The following CACNA1H variants were observed in gnomAD, a reference collection of about 807,000 sequenced individuals.
CACNA1H encodes calcium voltage-gated channel subunit alpha1 H, also known as voltage-dependent T-type calcium channel subunit alpha-1H.
CACNA1H carries 149 observed loss-of-function variants against 192.5 expected under a neutral mutation model. That is an observed-to-expected ratio of 0.77 (90% CI 0.68 to 0.89). The LOEUF (loss-of-function observed/expected upper bound fraction) is 0.89. CACNA1H is among the 40% of genes least tolerant of loss of function. The pLI, the probability that CACNA1H is intolerant of heterozygous loss-of-function variation, is 0.00. For synonymous variants in CACNA1H, 2,202 were observed against 1,475.2 expected (o/e 1.49, Z -11.29); for missense variants, 4,257 against 3,423.5 (o/e 1.24, Z -6.08).
intron 2 of CACNA1H, among the ~76,000 whole-genome samples, chr16:1,154,484 G>A (rs1247349876): frequency 2.0e-5 from 3 of 152,164 alleles, no homozygotes; most frequent in African/African-American, 7.2e-5. Context: ...AGTCAGGGGC[G>A]CAAAGTTTTC....
Position 1,161,333 on chromosome 16 carries a change from C to G in CACNA1H, c.299+7297C>G, listed in dbSNP as rs574739333. 1.9e-4 allele frequency among the ~76,000 whole-genome samples: 29 copies of G among 152,288 alleles called. 1 individual carries two copies. The highest frequency in any genetic ancestry group is 1.6e-3 in the Admixed American group (25 of 15,306). On this transcript the variant is annotated intron_variant, in intron 2 of 34. Coordinates refer to ENST00000348261, the MANE Select transcript of CACNA1H (RefSeq NM_021098.3). ...GGGGCAAGCCCTCGCCTCTGTTGAC[C>G]GCCAGGCCGCCCTGTGTTCTCACCC...
intron 2 of CACNA1H, among the ~76,000 whole-genome samples, chr16:1,184,078 G>A (rs1253189036): frequency 1.3e-5 from 2 of 152,226 alleles, no homozygotes; most frequent in African/African-American, 4.8e-5. Context: ...GAGCTGGTAG[G>A]GGAGATGGGA....
chr16:1,196,434 C>T (rs1441052676), intron 5 of CACNA1H, among the ~76,000 whole-genome samples: 2 of 152,298 alleles, frequency 1.3e-5, no homozygotes, highest in East Asian at 3.9e-4. Context: ...CACCTGGGGG[C>T]TCTGTGAAGC....
At chr16:1,210,545 T>A (rs1221362917) in intron 19 of CACNA1H, 38 bp from the exon 20 acceptor site, 1 of 1,608,506 alleles carries the variant, frequency 6.2e-7, no homozygotes, top group South Asian at 1.1e-5. Context: ...CAGGGAGGGG[T>A]GGAGTGGACA....
chr16:1,221,572 G>C lies in CACNA1H; in HGVS notation c.*578G>C. On this transcript the variant is annotated 3_prime_UTR_variant, in exon 35 of 35. Coordinates refer to ENST00000348261, the MANE Select transcript of CACNA1H (RefSeq NM_021098.3). ...ACCTCACTAAGGGGCCGACCCCATG[G>C]AGTAACGCGCCCGGCCCCGATGCGA... 1.8e-6 allele frequency: 1 copy of C among 563,288 alleles called. No homozygotes were observed. The highest frequency in any genetic ancestry group is 2.2e-5 in the South Asian group (1 of 45,420). The allele number at this position is 563,288 out of a possible 1,614,324, so 34.9% of individuals were successfully genotyped here. A position where few individuals can be genotyped will look rare whatever the true frequency, so the allele number is the denominator to read the frequency against.
intron 2 of CACNA1H, among the ~76,000 whole-genome samples, chr16:1,162,577 T>C (rs1596299377): frequency 6.6e-6 from 1 of 151,192 alleles, no homozygotes; most frequent in Non-Finnish European, 1.5e-5. Flanking sequence ...GGTGCTGCAG[T>C]TGTGTCTCTG....
At chr16:1,158,865 C>T (rs1251227260) in intron 2 of CACNA1H, among the ~76,000 whole-genome samples, 1 of 148,418 alleles carries the variant, frequency 6.7e-6, no homozygotes, top group East Asian at 1.9e-4. Context: ...TCAGCCCGCA[C>T]CCCTGGCCCC....
chr16:1,210,210 T>G, intron 18 of CACNA1H, 75 bp downstream of exon 18: 2 of 1,320,082 alleles, frequency 1.5e-6, no homozygotes, highest in Non-Finnish European at 2.1e-6. Context: ...CCCTCCTGGG[T>G]GGGGCTAGCA....
chr16:1,199,952 C>T (rs1287254978), intron 6 of CACNA1H, among the ~76,000 whole-genome samples: 4 of 151,174 alleles, frequency 2.6e-5, no homozygotes, highest in Admixed American at 1.3e-4. Flanking sequence ...TTGTTGATTT[C>T]TCTGTCCATC....
chr16:1,169,596 C>T (rs765386077), intron 2 of CACNA1H, among the ~76,000 whole-genome samples: 4 of 152,242 alleles, frequency 2.6e-5, no homozygotes, highest in Admixed American at 6.5e-5. Flanking sequence ...GCCGTGCTTT[C>T]GCCTCCGCCC....
At chr16:1,185,361 G>A (rs1422706054) in intron 2 of CACNA1H, among the ~76,000 whole-genome samples, 1 of 152,060 alleles carries the variant, frequency 6.6e-6, no homozygotes, top group African/African-American at 2.4e-5. Context: ...CCCTGGTGTA[G>A]GCAGGATTGG....
intron 26 of CACNA1H, among the ~76,000 whole-genome samples, chr16:1,213,121 C>T (rs1332544415): frequency 6.6e-6 from 1 of 152,222 alleles, no homozygotes; most frequent in Non-Finnish European, 1.5e-5. Context: ...ATGGCGGGCG[C>T]CGACTTCAGA....
intron 8 of CACNA1H, among the ~76,000 whole-genome samples, chr16:1,201,233 C>G (rs971221295): frequency 6.6e-6 from 1 of 152,132 alleles, no homozygotes; most frequent in Non-Finnish European, 1.5e-5. Flanking sequence ...TAGTAGGTAA[C>G]AGAAGCAGAC....
intron 2 of CACNA1H, among the ~76,000 whole-genome samples, chr16:1,154,237 G>GCGCCTCCGGA (rs1169730438): frequency 2.0e-5 from 3 of 152,010 alleles, no homozygotes; most frequent in Admixed American, 6.5e-5. Context: ...GGGCCACCGG[G>GCGCCTCCGGA]CGCCTCCGGA....
At chr16:1,166,125 G>A (rs1963746362) in intron 2 of CACNA1H, among the ~76,000 whole-genome samples, 1 of 152,254 alleles carries the variant, frequency 6.6e-6, no homozygotes, top group Non-Finnish European at 1.5e-5. Flanking sequence ...AGACTCAGAG[G>A]ATGGTGAGGC....
At position 1,205,251 on chromosome 16, in the gene CACNA1H, C is replaced by T. The variant is rs775720783; in HGVS notation, c.2589C>T (p.Ile863=). ...ACCCGTACAACATCTTCGACGGCAT[C>T]ATCGTGGTCATCAGGTGGGTCCCCA... ...IRNPYNIFDG[I]IVVISVWEIV... Residue 863 remains isoleucine, a synonymous_variant, in exon 11 of 35, where the codon ATC becomes ATT. Coordinates refer to ENST00000348261, the MANE Select transcript of CACNA1H (RefSeq NM_021098.3). 4.4e-6 allele frequency: 7 copies of T among 1,607,010 alleles called. No homozygotes were observed. The highest frequency in any genetic ancestry group is 2.2e-5 in the East Asian group (1 of 44,688).
At chr16:1,219,937 T>A in intron 34 of CACNA1H, 44 bp from the exon 35 acceptor site, 1 of 1,259,276 alleles carries the variant, frequency 7.9e-7, no homozygotes, top group Non-Finnish European at 1.0e-6. Context: ...CTGACAGGGC[T>A]CTCCCAGGGC....
intron 2 of CACNA1H, among the ~76,000 whole-genome samples, chr16:1,194,273 C>T (rs1596378241): frequency 6.6e-6 from 1 of 152,202 alleles, no homozygotes; most frequent in Non-Finnish European, 1.5e-5. Context: ...AGAGCTGGTG[C>T]CTGACTTCCC....
In CACNA1H at chr16:1,195,713, G is replaced by A. The variant is rs1043659476; in HGVS notation, c.545+148G>A. The A allele has an allele frequency of 3.8e-6, 4 of 1,058,584 alleles. No homozygotes were observed. The African/African-American group carries it at 4.7e-5, about 13-fold the overall frequency. 65.6% of individuals were successfully genotyped at this position (1,058,584 alleles called of 1,614,324 possible). ...CAGGGACCCTGTCTGGGACTCCGGA[G>A]ACCCTCCCTCCTGGGCACAGGTGAG... On this transcript the variant is annotated intron_variant, in intron 4 of 34. Coordinates refer to ENST00000348261, the MANE Select transcript of CACNA1H (RefSeq NM_021098.3).
Sources: allele counts gnomAD v4.1 joint callset (sites outside exome capture counted in the v4.1 genomes callset), GRCh38; gene constraint gnomAD v4.1.1; transcripts MANE v1.5; gene names NCBI Gene and HGNC (gene_info 2026-07-23, HGNC 2026-07-21).